Variants in NSMAF observed in about 807,000 individuals in gnomAD.
The protein encoded by NSMAF is protein FAN.
Under a neutral mutation model 134.9 loss-of-function variants are expected in NSMAF, and 90 were observed. The ratio of observed to expected loss-of-function variants is 0.67; its 90% CI spans 0.56 to 0.79. The LOEUF (loss-of-function observed/expected upper bound fraction) is 0.79, where lower values mean the gene tolerates loss of function less well. Ranked by LOEUF, NSMAF falls within the 30% of genes least tolerant of loss-of-function variation. The probability of loss-of-function intolerance (pLI) is 0.00; values close to 1 mark genes in which losing one functional copy is unlikely to be tolerated. For missense variants in NSMAF, 1,010 were observed against 1,119.0 expected (o/e 0.90, Z 1.39); for synonymous variants, 358 against 389.6 (o/e 0.92, Z 0.96).
intron 1 of NSMAF, among the ~76,000 whole-genome samples, chr8:58,658,719 C>CA (rs1248384700): frequency 2.0e-5 from 3 of 152,148 alleles, no homozygotes; most frequent in Non-Finnish European, 1.5e-5. Context: ...TTTCTGTCAC[C>CA]AAAAATGCCC....
rs200424193 is a variant in NSMAF at position 58,655,399 on chromosome 8, CTT to C, written c.59+4172_59+4173del. 8.6e-3 allele frequency among the ~76,000 whole-genome samples: 1,241 copies of C among 144,958 alleles called. 22 individuals are homozygous for C. The highest frequency in any genetic ancestry group is 0.029 in the African/African-American group (1,141 of 39,578). On this transcript the variant is annotated intron_variant, in intron 1 of 30. Coordinates refer to ENST00000038176, the MANE Select transcript of NSMAF (RefSeq NM_003580.4). ...CTTCTAAATCATAAAATAGAAATGT[CTT>C]TTTTTTTTTTTTCTTTGCGATAGGG...
intron 1 of NSMAF, among the ~76,000 whole-genome samples, chr8:58,645,380 G>A (rs114634049): frequency 0.013 from 2,041 of 152,274 alleles, 50 homozygotes; most frequent in African/African-American, 0.046. Flanking sequence ...ACACTAGTTT[G>A]CTGAGAATTA....
chr8:58,645,004 C>T (rs7001188), intron 1 of NSMAF, among the ~76,000 whole-genome samples: 9,182 of 151,698 alleles, frequency 0.061, 692 homozygotes, highest in African/African-American at 0.18. Context: ...AGGAGAAATA[C>T]CTAATGTAGA....
At chr8:58,592,194 CA>C (rs995605194) in intron 23 of NSMAF, among the ~76,000 whole-genome samples, 1 of 151,836 alleles carries the variant, frequency 6.6e-6, no homozygotes, top group Non-Finnish European at 1.5e-5. Flanking sequence ...AGACATCCTA[CA>C]AAAAAAACCA....
In NSMAF at chr8:58,656,921, A is replaced by T. The variant is rs557791255; in HGVS notation, c.59+2652T>A. On this transcript the variant is annotated intron_variant, in intron 1 of 30. Coordinates refer to ENST00000038176, the MANE Select transcript of NSMAF (RefSeq NM_003580.4). ...CTTATACTAAAAAAATTTTAGTATA[A>T]GTACATACCAAATATTGCATATACT... Among the ~76,000 whole-genome samples the T allele has an allele frequency of 2.6e-5, 4 of 152,358 alleles. No homozygotes were observed. In the South Asian group the frequency reaches 8.3e-4, roughly 32 times the overall value.
chr8:58,584,207 GAA>G lies in NSMAF; in HGVS notation c.2660-9_2660-8del. 2 of 1,609,816 alleles carry G rather than the reference GAA, an allele frequency of 1.2e-6. No homozygotes were observed. The highest frequency in any genetic ancestry group is 1.1e-5 in the South Asian group (1 of 90,654). ...CATATACATGTCACAGCACCTGAGA[GAA>G]AGACATTTTGGTTAGTTAGGAAGTT... On this transcript the variant is annotated splice_region_variant and splice_polypyrimidine_tract_variant and intron_variant, in intron 30 of 30. Coordinates refer to ENST00000038176, the MANE Select transcript of NSMAF (RefSeq NM_003580.4).
Position 58,589,581 on chromosome 8 carries a change from A to T in NSMAF, c.2088-6T>A, listed in dbSNP as rs774188582. The T allele has an allele frequency of 1.2e-5, 18 of 1,565,152 alleles. No individual in the cohort carries two copies. Among genetic ancestry groups the T allele is most frequent in the Non-Finnish European group, 1.5e-5 (17 of 1,166,022 alleles). On this transcript the variant is annotated splice_region_variant and splice_polypyrimidine_tract_variant and intron_variant, in intron 25 of 30. Transcript: ENST00000038176. The stretch of plus-strand genomic sequence containing the variant: ...ATGCTATGGAATAAAAATAGCTAAA[A>T]GATAATGAGAAGCATTAAAACAGTA...
intron 6 of NSMAF, among the ~76,000 whole-genome samples, chr8:58,629,422 T>A (rs1807008564): frequency 6.6e-6 from 1 of 152,212 alleles, no homozygotes. Flanking sequence ...TTTGTTAAAA[T>A]TCTCATTTTC....
chr8:58,645,525 C>T (rs1427084075), intron 1 of NSMAF, among the ~76,000 whole-genome samples: 1 of 152,100 alleles, frequency 6.6e-6, no homozygotes, highest in Non-Finnish European at 1.5e-5. Context: ...TGAAATAGCC[C>T]ATTCCCAGTG....
At chr8:58,644,679 G>A (rs1200976651) in intron 1 of NSMAF, among the ~76,000 whole-genome samples, 1 of 152,064 alleles carries the variant, frequency 6.6e-6, no homozygotes, top group Non-Finnish European at 1.5e-5. Context: ...TGTTTAATGC[G>A]GCACTGTTCA....
At chr8:58,623,063 G>C (rs2634533) in intron 9 of NSMAF, among the ~76,000 whole-genome samples, 157 bp downstream of exon 9, 140,633 of 152,196 alleles carry the variant, frequency 0.92, 65,058 homozygotes, top group East Asian at 0.97. Flanking sequence ...TTGAGGAAGC[G>C]CTAGAGAGTT....
rs754367143 is a variant in NSMAF at position 58,599,268 on chromosome 8, T to G, written c.1549A>C (p.Lys517Gln). 1.1e-5 allele frequency: 17 copies of G among 1,613,924 alleles called. No homozygotes were observed. Among genetic ancestry groups the G allele is most frequent in the Non-Finnish European group, 1.4e-5 (16 of 1,179,924 alleles). The change falls in exon 19 of 31, where the codon AAA (lysine) becomes CAA (glutamine). Residue 517 changes from lysine to glutamine, a missense_variant. Coordinates refer to ENST00000038176, the MANE Select transcript of NSMAF (RefSeq NM_003580.4). Reference protein sequence around the residue: ...HEWIDLIFGYKQKGSDAVGAH... With the variant: ...HEWIDLIFGYQQKGSDAVGAH... The stretch of plus-strand genomic sequence containing the variant: ...CCAACTGCATCACTCCCTTTTTGTT[T>G]GTAGCCAAATATTAGATCAATCCAC...
At chr8:58,609,759 TAAG>T (rs1806486081) in intron 9 of NSMAF, 26 bp from the exon 10 acceptor site, 1 of 1,611,570 alleles carries the variant, frequency 6.2e-7, no homozygotes, top group East Asian at 2.2e-5. Context: ...TCAGCAAAAG[TAAG>T]AAAAATCAGA....
chr8:58,651,450 T>C (rs2129148527), intron 1 of NSMAF, among the ~76,000 whole-genome samples: 1 of 152,350 alleles, frequency 6.6e-6, no homozygotes, highest in Middle Eastern at 3.4e-3. Flanking sequence ...AATTACATTC[T>C]CCCTGACTAT....
intron 2 of NSMAF, among the ~76,000 whole-genome samples, chr8:58,642,284 A>T (rs1807353502): frequency 6.6e-6 from 1 of 152,238 alleles, no homozygotes; most frequent in South Asian, 2.1e-4. Context: ...AAAGGAAATC[A>T]TTAGCAGATA....
chr8:58,604,462 TATAC>T (rs979579160), intron 12 of NSMAF, among the ~76,000 whole-genome samples: 104 of 151,164 alleles, frequency 6.9e-4, no homozygotes, highest in African/African-American at 2.4e-3. Flanking sequence ...AAGCTATACT[TATAC>T]ATAAAGTTAC....
At position 58,635,484 on chromosome 8, in the gene NSMAF, G is replaced by A; in HGVS notation, c.212C>T (p.Ser71Phe). Residue 71 changes from serine to phenylalanine, a missense_variant, in exon 3 of 31, where the codon TCC (serine) becomes TTC (phenylalanine). Physicochemically the swap from Ser to Phe is radical, Grantham distance 155 (BLOSUM62 -2). Transcript: ENST00000038176. ...TGTATTTACCTTGATGATGGGCTGG[G>A]ATATTGAATCTGGTTCAAAAATCAC... ...KSVIFEPDSI[S>F]QPIIKIPLRD... 2 of 1,603,570 alleles carry A rather than the reference G, an allele frequency of 1.2e-6. No homozygotes were observed. The highest frequency in any genetic ancestry group is 2.3e-5 in the South Asian group (2 of 88,494).
intron 23 of NSMAF, 148 bp downstream of exon 23, chr8:58,594,084 T>A: frequency 1.6e-6 from 1 of 632,350 alleles, no homozygotes; most frequent in Non-Finnish European, 2.8e-6. Flanking sequence ...CATGAAACTC[T>A]ATGTAATGTA....
Position 58,597,856 on chromosome 8 carries a change from G to A in NSMAF, c.1628+4C>T. 2 of 1,581,586 alleles carry A rather than the reference G, an allele frequency of 1.3e-6. No individual in the cohort carries two copies. Among genetic ancestry groups the A allele is most frequent in the Non-Finnish European group, 1.7e-6 (2 of 1,151,018 alleles). ...GTAGAAACTCCTTATTGACATATAA[G>A]TACCTGTTCAAGTCTACACCTCCTT... On this transcript the variant is annotated splice_donor_region_variant and intron_variant, in intron 20 of 30. Coordinates refer to ENST00000038176, the MANE Select transcript of NSMAF (RefSeq NM_003580.4).
Sources: gnomAD v4.1 joint callset for allele counts (sites outside exome capture counted in the v4.1 genomes callset) on GRCh38, gnomAD v4.1.1 for gene constraint, MANE v1.5 for transcripts, NCBI Gene and HGNC (gene_info 2026-07-23, HGNC 2026-07-21) for gene names.